SBF2: variants seen among roughly 807,000 people sequenced by gnomAD.
SBF2 encodes myotubularin-related protein 13.
A neutral mutation model predicts 225.2 loss-of-function variants in SBF2; 112 were observed. The ratio of observed to expected loss-of-function variants is 0.50; its 90% CI spans 0.43 to 0.58. The LOEUF (loss-of-function observed/expected upper bound fraction) is 0.58, where lower values mean the gene tolerates loss of function less well. Ranked by LOEUF, SBF2 falls within the 20% of genes least tolerant of loss-of-function variation. The pLI, the probability that SBF2 is intolerant of heterozygous loss-of-function variation, is 0.00. For synonymous variants in SBF2, 763 were observed against 773.3 expected, an observed-to-expected ratio of 0.99 and a Z score of 0.22; for missense variants, 1,996 against 2,206.2, an observed-to-expected ratio of 0.90 and a Z score of 1.91.
chr11:10,172,064 T>G (rs1956216592), intron 2 of SBF2, among the ~76,000 whole-genome samples: 1 of 152,122 alleles, frequency 6.6e-6, no homozygotes, highest in Admixed American at 6.5e-5. Flanking sequence ...GTTTGTCAAT[T>G]TTATCATTAC....
intron 1 of SBF2, among the ~76,000 whole-genome samples, chr11:10,283,172 T>A (rs2135564887): frequency 1.3e-5 from 2 of 152,244 alleles, no homozygotes; most frequent in Non-Finnish European, 2.9e-5. Context: ...CACTAATGAC[T>A]AGGTTAGGGA....
intron 2 of SBF2, among the ~76,000 whole-genome samples, chr11:10,120,325 C>G (rs1345852415): frequency 6.6e-6 from 1 of 152,092 alleles, no homozygotes; most frequent in African/African-American, 2.4e-5. Context: ...TTTCTTTATT[C>G]TACTGACAGA....
intron 1 of SBF2, among the ~76,000 whole-genome samples, chr11:10,256,146 A>G (rs989333999): frequency 6.6e-6 from 1 of 152,212 alleles, no homozygotes; most frequent in African/African-American, 2.4e-5. Context: ...CTCCACAATC[A>G]GGCTTCACTG....
rs374386604 is a variant in SBF2 at position 9,784,097 on chromosome 11, C to G, written c.5319+254G>C. ...GCATTAAAAAAAGAGTTCTATTGCT[C>G]TATGCTCTGGGCTCAATTGTTGCTG... On this transcript the variant is annotated intron_variant, in intron 38 of 39. Coordinates refer to ENST00000256190, the MANE Select transcript of SBF2 (RefSeq NM_030962.4). Among the ~76,000 whole-genome samples the G allele has an allele frequency of 7.6e-4, 115 of 152,272 alleles. 3 individuals carry two copies. The South Asian group carries it at 0.022, about 30-fold the overall frequency.
At position 9,790,658 on chromosome 11, in the gene SBF2, T is replaced by G; in HGVS notation, c.4596A>C (p.Glu1532Asp). 6.3e-7 allele frequency: 1 copy of G among 1,582,670 alleles called. No individual in the cohort carries two copies. Among genetic ancestry groups the G allele is most frequent in the Non-Finnish European group, 8.7e-7 (1 of 1,152,800 alleles). Residue 1532 changes from glutamate (E) to aspartate (D), a missense_variant, in exon 34 of 40, where the codon GAA becomes GAC. Transcript: ENST00000256190. ...TACAGACTCCTTTTTTGGCATGCTT[T>G]TCTCCTTTATCATCAAATAAAGTTC... ...EHGTLFDDKGEKHAKKGVCIW... is the reference protein window; with the variant it reads ...EHGTLFDDKGDKHAKKGVCIW...
upstream of SBF2, among the ~76,000 whole-genome samples, chr11:10,298,799 C>T (rs1394626323): frequency 6.6e-6 from 1 of 152,220 alleles, no homozygotes; most frequent in Non-Finnish European, 1.5e-5. Context: ...AATATGTCCG[C>T]TTCTCTCCAC....
Position 10,209,959 on chromosome 11 carries a change from A to G in SBF2, c.56-15972T>C, listed in dbSNP as rs181978067. On this transcript the variant is annotated intron_variant, in intron 1 of 39. Transcript: ENST00000256190. ...TAGACCCTTGTTCTCATGGTTTAAT[A>G]TGTCTGCTAGAGCTGCAAACATCAC... Among the ~76,000 whole-genome samples the G allele has an allele frequency of 1.9e-3, 285 of 152,224 alleles. 2 individuals carry two copies. Among genetic ancestry groups the G allele is most frequent in the African/African-American group, 6.3e-3 (260 of 41,568 alleles).
intron 2 of SBF2, among the ~76,000 whole-genome samples, chr11:10,074,932 T>A (rs1951036441): frequency 6.6e-6 from 1 of 152,246 alleles, no homozygotes. Flanking sequence ...TATAATAGTT[T>A]AAAAGTTACA....
chr11:10,222,637 C>T (rs921748350), intron 1 of SBF2, among the ~76,000 whole-genome samples: 2 of 152,130 alleles, frequency 1.3e-5, no homozygotes, highest in African/African-American at 4.8e-5. Context: ...CTGGTCTGCA[C>T]ATACAATGCT....
At chr11:10,249,383 T>G (rs1179950279) in intron 1 of SBF2, among the ~76,000 whole-genome samples, 1 of 152,140 alleles carries the variant, frequency 6.6e-6, no homozygotes, top group East Asian at 1.9e-4. Context: ...GAAATATGGC[T>G]TTCTCGAACA....
intron 1 of SBF2, among the ~76,000 whole-genome samples, chr11:10,239,445 A>G (rs1392069538): frequency 6.6e-6 from 1 of 150,828 alleles, no homozygotes; most frequent in African/African-American, 2.4e-5. Flanking sequence ...GATTAAAAAT[A>G]CAATATCAAA....
At chr11:10,168,685 T>C (rs1292892866) in intron 2 of SBF2, among the ~76,000 whole-genome samples, 1 of 152,218 alleles carries the variant, frequency 6.6e-6, no homozygotes, top group Non-Finnish European at 1.5e-5. Context: ...GAAGATATTA[T>C]TTATGAGCAG....
chr11:10,139,671 T>A (rs1252104809), intron 2 of SBF2, among the ~76,000 whole-genome samples: 1 of 152,216 alleles, frequency 6.6e-6, no homozygotes, highest in Non-Finnish European at 1.5e-5. Context: ...TCTTAGCTAT[T>A]TGCTTTATTT....
intron 2 of SBF2, among the ~76,000 whole-genome samples, chr11:10,066,317 AATATCTAT>A (rs999303533): frequency 2.0e-4 from 30 of 151,136 alleles, no homozygotes; most frequent in African/African-American, 3.4e-4. Flanking sequence ...AAAAATACTA[AATATCTAT>A]ATATCTATAT....
At chr11:9,987,190 T>C (rs1331861284) in intron 13 of SBF2, among the ~76,000 whole-genome samples, 4 of 152,152 alleles carry the variant, frequency 2.6e-5, no homozygotes, top group Admixed American at 6.6e-5. Context: ...ATCATTTCAA[T>C]AGATGCAGAC....
At chr11:10,175,006 A>G (rs1303048935) in intron 2 of SBF2, among the ~76,000 whole-genome samples, 3 of 152,154 alleles carry the variant, frequency 2.0e-5, no homozygotes, top group African/African-American at 4.8e-5. Context: ...GAGCTCCTGA[A>G]GGAAGCGCTA....
intron 26 of SBF2, 118 bp downstream of exon 26, chr11:9,839,380 G>T: frequency 9.9e-7 from 1 of 1,010,206 alleles, no homozygotes; most frequent in Non-Finnish European, 1.6e-6. Context: ...TGGAGACCTT[G>T]TTCTTATTTT....
intron 2 of SBF2, among the ~76,000 whole-genome samples, chr11:10,088,506 G>C (rs1017368528): frequency 9.9e-5 from 15 of 152,218 alleles, no homozygotes; most frequent in Non-Finnish European, 2.1e-4. Context: ...AGGCTGGATT[G>C]TTCAAGATTA....
intron 12 of SBF2, among the ~76,000 whole-genome samples, chr11:9,992,157 G>A (rs1440874987): frequency 6.6e-6 from 1 of 151,962 alleles, no homozygotes; most frequent in Non-Finnish European, 1.5e-5. Flanking sequence ...CTCATCACCT[G>A]AGTAGTATAC....
Sources: allele counts gnomAD v4.1 joint callset (sites outside exome capture counted in the v4.1 genomes callset), GRCh38; gene constraint gnomAD v4.1.1; transcripts MANE v1.5; gene names NCBI Gene and HGNC (gene_info 2026-07-23, HGNC 2026-07-21).